Variants in GRAMD1B observed in about 807,000 individuals in gnomAD.
GRAMD1B encodes the protein GRAM domain containing 1B, also known as protein Aster-B.
GRAMD1B carries 37 observed loss-of-function variants against 99.7 expected under a neutral mutation model. That is an observed-to-expected ratio of 0.37 (90% confidence interval 0.29 to 0.49). GRAMD1B has a LOEUF of 0.49. Ranked by LOEUF, GRAMD1B falls within the 20% of genes least tolerant of loss-of-function variation. The probability of loss-of-function intolerance (pLI) is 0.98; values close to 1 mark genes in which losing one functional copy is unlikely to be tolerated. For missense variants in GRAMD1B, 888 were observed against 1,009.2 expected, an observed-to-expected ratio of 0.88 and a Z score of 1.63; for synonymous variants, 427 against 387.6, an observed-to-expected ratio of 1.10 and a Z score of -1.19.
At chr11:123,439,323 A>T (rs1949303197) in intron 1 of GRAMD1B, among the ~76,000 whole-genome samples, 1 of 151,984 alleles carries the variant, frequency 6.6e-6, no homozygotes, top group Admixed American at 6.6e-5. Flanking sequence ...TGGTGAGGAG[A>T]TGTTGGGCAG....
chr11:123,485,839 C>T lies in GRAMD1B; in HGVS notation c.452+4946C>T, dbSNP rs148983722. On this transcript the variant is annotated intron_variant, in intron 2 of 19. Transcript: ENST00000635736. ...AAGAGATTCTTCTGCCTCAGCCTCT[C>T]GAGTAGCTGGGACTACAGGTGTGTG... Among the ~76,000 whole-genome samples, 1,422 of 151,634 alleles carry T rather than the reference C, an allele frequency of 9.4e-3. 24 individuals are homozygous for T. Among genetic ancestry groups the T allele is most frequent in the African/African-American group, 0.033 (1,353 of 41,296 alleles).
intron 1 of GRAMD1B, among the ~76,000 whole-genome samples, chr11:123,436,866 T>G (rs1949184630): frequency 6.6e-6 from 1 of 152,182 alleles, no homozygotes; most frequent in African/African-American, 2.4e-5. Flanking sequence ...ACTCGTCATT[T>G]AACTTTAGGT....
chr11:123,503,772 C>T (rs1940140750), intron 2 of GRAMD1B, among the ~76,000 whole-genome samples: 1 of 152,162 alleles, frequency 6.6e-6, no homozygotes, highest in Non-Finnish European at 1.5e-5. Flanking sequence ...GTCTCAAACT[C>T]CTGACCTCAG....
At chr11:123,513,965 TCTTAA>T (rs1247437240) in intron 2 of GRAMD1B, among the ~76,000 whole-genome samples, 1 of 152,160 alleles carries the variant, frequency 6.6e-6, no homozygotes, top group African/African-American at 2.4e-5. Context: ...AGAGTTTTTG[TCTTAA>T]CTTTGAGAAA....
chr11:123,402,411 CATT>C (rs1251116867), intron 1 of GRAMD1B, among the ~76,000 whole-genome samples: 3 of 152,198 alleles, frequency 2.0e-5, no homozygotes, highest in African/African-American at 4.8e-5. Flanking sequence ...TCGTCATCAT[CATT>C]GTTATTTTTA....
intron 2 of GRAMD1B, among the ~76,000 whole-genome samples, chr11:123,535,581 C>G (rs1763302415): frequency 6.6e-6 from 1 of 152,094 alleles, no homozygotes; most frequent in Non-Finnish European, 1.5e-5. Flanking sequence ...AAGATAGTTT[C>G]CCCAGTCTAC....
chr11:123,595,977 TA>T lies in GRAMD1B; in HGVS notation c.912del (p.Glu305LysfsTer33). The T allele has an allele frequency of 6.2e-7, 1 of 1,609,560 alleles. No homozygotes were observed. Among genetic ancestry groups the T allele is most frequent in the Non-Finnish European group, 8.5e-7 (1 of 1,177,854 alleles). On this transcript the variant is annotated frameshift_variant, in exon 7 of 20. Transcript: ENST00000635736. LOFTEE classifies it high-confidence loss of function. ...GTTTGAAAGACATCTGTTCCATGAC[TA>T]AAGAAAAAACAGCTCGCCTCATTCC... ...VRLKDICSMTKEKTARLIPNA... is the reference protein window; with the variant it reads ...VRLKDICSMTXEKTARLIPNA...
intron 14 of GRAMD1B, among the ~76,000 whole-genome samples, chr11:123,611,416 A>C (rs1252453067): frequency 6.6e-6 from 1 of 152,196 alleles, no homozygotes; most frequent in East Asian, 1.9e-4. Flanking sequence ...CCTGGGAGAC[A>C]GAGTAAGACC....
rs145213972 is a variant in GRAMD1B, at chr11:123,513,553, TTTCC to T, written c.452+32683_452+32686del. On this transcript the variant is annotated intron_variant, in intron 2 of 19. Coordinates refer to ENST00000635736, the MANE Select transcript of GRAMD1B (RefSeq NM_001387025.1). ...TTCCTTCCTTCCTTCCTTTCCTTTC[TTTCC>T]TTCCTTCCTTCCTTCCTTCCTTTCC... Among the ~76,000 whole-genome samples the T allele has an allele frequency of 2.6e-3, 305 of 116,156 alleles. 13 individuals are homozygous for T. The highest frequency in any genetic ancestry group is 6.1e-3 in the African/African-American group (165 of 27,246). 76.2% of individuals were successfully genotyped at this position (116,156 alleles called of 152,430 possible).
intron 1 of GRAMD1B, among the ~76,000 whole-genome samples, chr11:123,414,135 C>T (rs976145422): frequency 6.6e-6 from 1 of 151,824 alleles, no homozygotes; most frequent in African/African-American, 2.4e-5. Context: ...ACCTCCGCCT[C>T]CCAGGTTCAA....
At chr11:123,437,524 A>G (rs1467541168) in intron 1 of GRAMD1B, among the ~76,000 whole-genome samples, 1 of 152,104 alleles carries the variant, frequency 6.6e-6, no homozygotes, top group Non-Finnish European at 1.5e-5. Flanking sequence ...CACTGTTACT[A>G]TCTTTTGTAC....
At chr11:123,487,896 G>A (rs1009968670) in intron 2 of GRAMD1B, among the ~76,000 whole-genome samples, 4 of 152,120 alleles carry the variant, frequency 2.6e-5, no homozygotes, top group African/African-American at 7.2e-5. Context: ...CGTGAGCCAC[G>A]GCACCCAGCT....
Position 123,546,906 on chromosome 11 carries a change from G to A in GRAMD1B, c.453-30461G>A, listed in dbSNP as rs1945088184. Among the ~76,000 whole-genome samples, 5 of 152,202 alleles carry A rather than the reference G, an allele frequency of 3.3e-5. 1 individual carries two copies. The South Asian group carries it at 1.0e-3, about 32-fold the overall frequency. On this transcript the variant is annotated intron_variant, in intron 2 of 19. Coordinates refer to ENST00000635736, the MANE Select transcript of GRAMD1B (RefSeq NM_001387025.1). ...AGGGCCATTTCTGTTCTTGGTGGGG[G>A]TTTGGACACCTTTGGTTGCTCTGAA...
chr11:123,394,162 T>C (rs1266305677), intron 1 of GRAMD1B, among the ~76,000 whole-genome samples: 1 of 152,224 alleles, frequency 6.6e-6, no homozygotes, highest in Non-Finnish European at 1.5e-5. Context: ...GAACCAGACA[T>C]GTAAATTAGT....
At chr11:123,490,834 G>A (rs1167906137) in intron 2 of GRAMD1B, among the ~76,000 whole-genome samples, 6 of 152,158 alleles carry the variant, frequency 3.9e-5, no homozygotes, top group African/African-American at 1.4e-4. Context: ...GAACAGGAGA[G>A]ACTAATTGAG....
intron 2 of GRAMD1B, among the ~76,000 whole-genome samples, chr11:123,498,612 G>A (rs2135132702): frequency 6.6e-6 from 1 of 152,274 alleles, no homozygotes; most frequent in South Asian, 2.1e-4. Flanking sequence ...CTTCTATTCA[G>A]CCATCTTGCT....
At chr11:123,450,175 G>A (rs1949824317) in intron 1 of GRAMD1B, among the ~76,000 whole-genome samples, 1 of 152,084 alleles carries the variant, frequency 6.6e-6, no homozygotes, top group African/African-American at 2.4e-5. Context: ...CAGGGCCCTG[G>A]TATAGTCTGC....
intron 2 of GRAMD1B, chr11:123,526,172 G>T (rs1942715641): frequency 6.2e-7 from 1 of 1,612,070 alleles, no homozygotes; most frequent in Admixed American, 1.7e-5. Context: ...AGCTCTCCTG[G>T]TAAGTAGAGG....
intron 1 of GRAMD1B, among the ~76,000 whole-genome samples, chr11:123,408,047 G>C (rs971378657): frequency 6.6e-6 from 1 of 152,170 alleles, no homozygotes; most frequent in Non-Finnish European, 1.5e-5. Flanking sequence ...TCTGTGAATG[G>C]GATTAGGAAA....
Sources: gnomAD v4.1 joint callset for allele counts (sites outside exome capture counted in the v4.1 genomes callset) on GRCh38, gnomAD v4.1.1 for gene constraint, MANE v1.5 for transcripts, NCBI Gene and HGNC (gene_info 2026-07-23, HGNC 2026-07-21) for gene names.